Variants in SGIP1 observed in about 807,000 individuals in gnomAD.
The protein encoded by SGIP1 is SH3GL interacting endocytic adaptor 1.
A neutral mutation model predicts 107.5 loss-of-function variants in SGIP1; 38 were observed. The ratio of observed to expected loss-of-function variants is 0.35; its 90% CI spans 0.27 to 0.46. SGIP1 has a LOEUF of 0.46. Among genes scored for constraint, SGIP1 ranks in the 20% least tolerant of loss-of-function variants. The pLI is 1.00. For synonymous variants in SGIP1, 365 were observed against 366.1 expected (o/e 1.00, Z 0.03); for missense variants, 929 against 1,019.5 (o/e 0.91, Z 1.21).
intron 3 of SGIP1, among the ~76,000 whole-genome samples, chr1:66,634,474 G>A (rs917822994): frequency 5.3e-5 from 8 of 152,116 alleles, no homozygotes; most frequent in African/African-American, 1.9e-4. Flanking sequence ...CAGCTGACAC[G>A]TGGCAGGCAA....
Position 66,637,617 on chromosome 1 carries a change from C to T in SGIP1, c.171+1602C>T, listed in dbSNP as rs577953523. ...TTGTTTTCCCTTTATCTCAATCTTC[C>T]TTTGGTTTTCATGCAAACTGGGAAA... is the stretch of plus-strand genomic sequence containing the variant. On this transcript the variant is annotated intron_variant, in intron 4 of 24. Transcript: ENST00000371037. 2.6e-4 allele frequency among the ~76,000 whole-genome samples: 39 copies of T among 151,680 alleles called. No homozygotes were observed. In the South Asian group the frequency reaches 7.9e-3, roughly 31 times the overall value.
At chr1:66,636,664 G>A (rs900426370) in intron 4 of SGIP1, among the ~76,000 whole-genome samples, 1 of 152,174 alleles carries the variant, frequency 6.6e-6, no homozygotes, top group South Asian at 2.1e-4. Context: ...CTATTGGGCC[G>A]TGCTGTTCTA....
rs780466851 is a variant in SGIP1, at chr1:66,636,025, C to A, written c.171+10C>A. ...AGGAAAAAAAGTTTCGGTAAGGAAA[C>A]AGATTTTAGTTTAAAATTTCCAAAG... On this transcript the variant is annotated intron_variant, in intron 4 of 24. Transcript: ENST00000371037. 1.9e-6 allele frequency: 3 copies of A among 1,612,064 alleles called. No homozygotes were observed. In the South Asian group the frequency reaches 3.3e-5, roughly 18 times the overall value.
At chr1:66,663,392 T>G (rs1286387960) in intron 8 of SGIP1, among the ~76,000 whole-genome samples, 1 of 152,140 alleles carries the variant, frequency 6.6e-6, no homozygotes, top group African/African-American at 2.4e-5. Context: ...GCTTTGACAT[T>G]CTTGGGAAAT....
chr1:66,601,785 G>A (rs1054539258), intron 1 of SGIP1, among the ~76,000 whole-genome samples: 3 of 151,994 alleles, frequency 2.0e-5, no homozygotes, highest in African/African-American at 4.8e-5. Flanking sequence ...TTTTTTTACC[G>A]CATTCAATTT....
chr1:66,718,614 T>C (rs939265431), intron 18 of SGIP1, among the ~76,000 whole-genome samples: 7 of 152,148 alleles, frequency 4.6e-5, no homozygotes, highest in African/African-American at 7.2e-5. Context: ...GGCACCCATG[T>C]TCATACAGAC....
At chr1:66,689,520 A>G (rs984040156) in intron 16 of SGIP1, among the ~76,000 whole-genome samples, 6 of 152,242 alleles carry the variant, frequency 3.9e-5, no homozygotes, top group African/African-American at 1.2e-4. Flanking sequence ...ACAGTGGGTT[A>G]GATACAAATG....
At chr1:66,571,629 T>C (rs1445933289) in intron 1 of SGIP1, among the ~76,000 whole-genome samples, 3 of 151,980 alleles carry the variant, frequency 2.0e-5, no homozygotes, top group Non-Finnish European at 4.4e-5. Flanking sequence ...TTTTTAAAAT[T>C]GTTCAGTCAT....
intron 1 of SGIP1, among the ~76,000 whole-genome samples, chr1:66,577,801 T>TGTGTGTGTG (rs1557948164): frequency 2.8e-5 from 4 of 141,366 alleles, no homozygotes; most frequent in Non-Finnish European, 4.6e-5. Flanking sequence ...TGTGTGTGTG[T>TGTGTGTGTG]TGCATACCCA....
chr1:66,668,871 G>A (rs1358671727), intron 9 of SGIP1, among the ~76,000 whole-genome samples: 1 of 152,170 alleles, frequency 6.6e-6, no homozygotes, highest in East Asian at 1.9e-4. Flanking sequence ...ATTGAAAGGG[G>A]GAAAATACAG....
At chr1:66,549,153 T>G (rs398047006) in intron 1 of SGIP1, among the ~76,000 whole-genome samples, 16,728 of 138,848 alleles carry the variant, frequency 0.12, 1,377 homozygotes, top group East Asian at 0.35. Context: ...CTTCCTTCCT[T>G]CCTTCCTTCC....
At chr1:66,717,736 T>C (rs2093324493) in intron 18 of SGIP1, among the ~76,000 whole-genome samples, 2 of 152,120 alleles carry the variant, frequency 1.3e-5, no homozygotes, top group South Asian at 4.1e-4. Context: ...ACTGAACAAG[T>C]TGTATAAAGT....
At chr1:66,592,413 C>G (rs754978448) in intron 1 of SGIP1, among the ~76,000 whole-genome samples, 21 of 152,202 alleles carry the variant, frequency 1.4e-4, no homozygotes, top group Non-Finnish European at 2.8e-4. Flanking sequence ...TCTGAGGGCA[C>G]AGGGTTGGGG....
At chr1:66,651,535 A>G (rs993266746) in intron 7 of SGIP1, among the ~76,000 whole-genome samples, 3 of 148,654 alleles carry the variant, frequency 2.0e-5, no homozygotes, top group Non-Finnish European at 4.5e-5. Context: ...TTTACATACA[A>G]TTTCTGAATG....
At chr1:66,602,555 G>A (rs1038108517) in intron 1 of SGIP1, among the ~76,000 whole-genome samples, 1 of 151,998 alleles carries the variant, frequency 6.6e-6, no homozygotes, top group East Asian at 1.9e-4. Context: ...ACGAGTTAAT[G>A]GTTGCAGCAC....
rs1316448323 is a variant in SGIP1, at chr1:66,639,784, G to A, written c.179G>A (p.Ser60Asn). The part of the protein sequence containing the change: ...REGGKKVSKK[S>N]NGAPNGFYAE... ...TTTTCAAATTTATTACAGAAGAAAA[G>A]CAATGGGGCACCAAATGGATTTTAT... The change falls in exon 5 of 25, where the codon AGC (serine) becomes AAC (asparagine). Residue 60 changes from serine to asparagine, a missense_variant. Coordinates refer to ENST00000371037, the MANE Select transcript of SGIP1 (RefSeq NM_032291.4). 10 of 1,611,018 alleles carry A rather than the reference G, an allele frequency of 6.2e-6. No individual in the cohort carries two copies. The highest frequency in any genetic ancestry group is 1.7e-6 in the Non-Finnish European group (2 of 1,178,118).
intron 8 of SGIP1, 25 bp from the exon 9 acceptor site, chr1:66,667,503 TTC>T: frequency 6.2e-7 from 1 of 1,611,926 alleles, no homozygotes; most frequent in Non-Finnish European, 8.5e-7. Flanking sequence ...TAGGTGTCTG[TTC>T]TCTCTTCCTT....
chr1:66,631,698 T>TCC (rs2074772701), intron 2 of SGIP1, among the ~76,000 whole-genome samples: 1 of 35,724 alleles, frequency 2.8e-5, no homozygotes, highest in Non-Finnish European at 4.5e-5. Context: ...TCTCTCTCTC[T>TCC]CTCTCTCTCT....
chr1:66,607,145 TTTC>T (rs1335998198), intron 1 of SGIP1, among the ~76,000 whole-genome samples: 7 of 152,200 alleles, frequency 4.6e-5, no homozygotes, highest in African/African-American at 1.7e-4. Flanking sequence ...TTCCAAGTTG[TTTC>T]TTAATTGCTG....
Sources: gnomAD v4.1 joint callset for allele counts (sites outside exome capture counted in the v4.1 genomes callset) on GRCh38, gnomAD v4.1.1 for gene constraint, MANE v1.5 for transcripts, NCBI Gene and HGNC (gene_info 2026-07-23, HGNC 2026-07-21) for gene names.